The following PACS2 variants were observed in gnomAD, a reference collection of about 807,000 sequenced individuals.
PACS2 encodes the protein PACS1-like protein.
PACS2 carries 36 observed loss-of-function variants against 113.0 expected under a neutral mutation model. That is an observed-to-expected ratio of 0.32 (90% CI 0.24 to 0.42). The LOEUF (loss-of-function observed/expected upper bound fraction) is 0.42. Among genes scored for constraint, PACS2 ranks in the 10% least tolerant of loss-of-function variants. The pLI is 1.00. For missense variants in PACS2, 1,015 were observed against 1,239.5 expected (o/e 0.82, Z 2.72); for synonymous variants, 589 against 536.1 (o/e 1.10, Z -1.36).
At chr14:105,337,714 C>G (rs2059578516) in intron 1 of PACS2, among the ~76,000 whole-genome samples, 1 of 152,192 alleles carries the variant, frequency 6.6e-6, no homozygotes, top group Non-Finnish European at 1.5e-5. Context: ...CCACCTGAGC[C>G]CCCTGAGATG....
exon 1 of PACS2, chr14:105,300,803 C>CCGCCCGCAACGGCCG (rs1329982132): frequency 3.5e-6 from 1 of 288,986 alleles, no homozygotes; most frequent in Non-Finnish European, 5.5e-6. Context: ...CCGGGCCGCG[C>CCGCCCGCAACGGCCG]CGCCCGCAAC....
chr14:105,368,485 G>T lies in PACS2; in HGVS notation c.687G>T (p.Val229=). Reference sequence around the variant, plus strand: ...ACTTGGACGAGGACGACTTTGACGTGGGGAAGCCGAAGAAGCAGCGGAGAT... The same window carrying T: ...ACTTGGACGAGGACGACTTTGACGTTGGGAAGCCGAAGAAGCAGCGGAGAT... ...GQDLDEDDFD[V]GKPKKQRRSI... Residue 229 remains valine (V), a synonymous_variant, in exon 7 of 25, where the codon GTG becomes GTT. Transcript: ENST00000447393. 1 of 1,614,018 alleles carries T rather than the reference G, an allele frequency of 6.2e-7. No individual in the cohort carries two copies. Among genetic ancestry groups the T allele is most frequent in the Non-Finnish European group, 8.5e-7 (1 of 1,179,914 alleles).
chr14:105,348,676 G>C lies in PACS2; in HGVS notation c.207+96G>C, dbSNP rs2060035352. The C allele has an allele frequency of 4.3e-5, 40 of 927,308 alleles. No individual in the cohort carries two copies. Among genetic ancestry groups the C allele is most frequent in the Non-Finnish European group, 1.7e-5 (10 of 577,120 alleles). The allele number at this position is 927,308 out of a possible 1,614,324, so 57.4% of individuals were successfully genotyped here. ...AGGCGGTGCGCTACTGTGGGGCCTT[G>C]TGCCAAAACAGCGGGCAGCCCATGC... On this transcript the variant is annotated intron_variant, in intron 2 of 24. Transcript: ENST00000447393. This position sits in a 1 kb window ranked among gnomAD's most constrained non-coding sequence, Gnocchi z 6.4.
At chr14:105,327,769 G>A (rs950177000) in intron 1 of PACS2, among the ~76,000 whole-genome samples, 199 of 152,342 alleles carry the variant, frequency 1.3e-3, no homozygotes, top group African/African-American at 4.6e-3. Context: ...CTGCCAGGGA[G>A]CAGGACCATT....
Position 105,348,480 on chromosome 14 carries a change from C to A in PACS2, c.120-13C>A. On this transcript the variant is annotated splice_polypyrimidine_tract_variant and intron_variant, in intron 1 of 24. Coordinates refer to ENST00000447393, the MANE Select transcript of PACS2 (RefSeq NM_001100913.3). This position sits in a 1 kb window ranked among gnomAD's most constrained non-coding sequence, Gnocchi z 6.4. ...GGCGGAGCCCCGAGGCTGAGCTGTG[C>A]CTTGCCTCACAGGTTGTGCAGCCTG... is the stretch of plus-strand genomic sequence containing the variant. 1 of 1,603,878 alleles carries A rather than the reference C, an allele frequency of 6.2e-7. No homozygotes were observed. The highest frequency in any genetic ancestry group is 8.5e-7 in the Non-Finnish European group (1 of 1,172,868).
At chr14:105,347,761 C>T (rs1315113821) in intron 1 of PACS2, among the ~76,000 whole-genome samples, 2 of 152,210 alleles carry the variant, frequency 1.3e-5, no homozygotes, top group African/African-American at 4.8e-5. Context: ...CCCCACACAC[C>T]TTCAGGCATG....
At chr14:105,382,991 C>T (rs782504284) in intron 15 of PACS2, 78 bp downstream of exon 15, 23 of 862,650 alleles carry the variant, frequency 2.7e-5, no homozygotes, top group Middle Eastern at 2.2e-4. Flanking sequence ...CCCATTGCTC[C>T]GGGGCTAGGT....
chr14:105,395,414 A>G lies in PACS2; in HGVS notation c.*742A>G, dbSNP rs1308698829. ...TGCGTGTAGTCCCTGCCCCAAACTTAGCAAGCACAGGGGCCTCCACAGCCC... is the reference window on the plus strand; with the variant it reads ...TGCGTGTAGTCCCTGCCCCAAACTTGGCAAGCACAGGGGCCTCCACAGCCC... On this transcript the variant is annotated 3_prime_UTR_variant, in exon 25 of 25. Coordinates refer to ENST00000447393, the MANE Select transcript of PACS2 (RefSeq NM_001100913.3). 1 of 151,610 alleles carries G rather than the reference A, an allele frequency of 6.6e-6. No individual in the cohort carries two copies. Among genetic ancestry groups the G allele is most frequent in the Non-Finnish European group, 1.5e-5 (1 of 68,000 alleles). 9.4% of individuals were successfully genotyped at this position (151,610 alleles called of 1,614,324 possible). A position where few individuals can be genotyped will look rare whatever the true frequency, so the allele number is the denominator to read the frequency against.
chr14:105,391,119 C>T, intron 20 of PACS2, 88 bp from the exon 21 acceptor site: 2 of 974,424 alleles, frequency 2.1e-6, no homozygotes, highest in African/African-American at 1.6e-5. Context: ...GAGTGGTGGC[C>T]ACGGTGGGGA....
rs1014731785 is a variant in PACS2 at position 105,398,006 on chromosome 14, T to C, written c.*3334T>C. On this transcript the variant is annotated 3_prime_UTR_variant, in exon 25 of 25. Coordinates refer to ENST00000447393, the MANE Select transcript of PACS2 (RefSeq NM_001100913.3). ...ATTGTGCATTGTTTGGTTTCTAGGA[T>C]GTATGTGTTGCTAGTTTTTTTTAAT... 6.6e-6 allele frequency: 1 copy of C among 152,248 alleles called. No homozygotes were observed. Among genetic ancestry groups the C allele is most frequent in the African/African-American group, 2.4e-5 (1 of 41,456 alleles). 9.4% of individuals were successfully genotyped at this position (152,248 alleles called of 1,614,324 possible). A position where few individuals can be genotyped will look rare whatever the true frequency, so the allele number is the denominator to read the frequency against.
chr14:105,341,831 C>G (rs1194261119), intron 1 of PACS2, among the ~76,000 whole-genome samples: 1 of 152,190 alleles, frequency 6.6e-6, no homozygotes, highest in Non-Finnish European at 1.5e-5. Context: ...AGAGGGGCAG[C>G]CACGTTCCCC....
In PACS2 at chr14:105,354,939, T is replaced by C. The variant is rs1555405011; in HGVS notation, c.298-113T>C. On this transcript the variant is annotated intron_variant, in intron 3 of 24. Transcript: ENST00000447393. The surrounding 1 kb of genome is among the most constrained non-coding windows in gnomAD (Gnocchi z 4.2). ...GTCTGTGGGTGCCCTTCCGATCTCA[T>C]GGGCAGCAGGTTGGCCTGGTCGCAG... 4 of 1,062,328 alleles carry C rather than the reference T, an allele frequency of 3.8e-6. No homozygotes were observed. The highest frequency in any genetic ancestry group is 1.6e-5 in the African/African-American group (1 of 62,958). The allele number at this position is 1,062,328 out of a possible 1,614,324, so 65.8% of individuals were successfully genotyped here. A position where few individuals can be genotyped will look rare whatever the true frequency, so the allele number is the denominator to read the frequency against.
At chr14:105,387,315 C>T (rs1441333050) in intron 19 of PACS2, among the ~76,000 whole-genome samples, 9 of 152,298 alleles carry the variant, frequency 5.9e-5, no homozygotes, top group African/African-American at 1.2e-4. Flanking sequence ...CCTCCTCTGC[C>T]GAGAATGGCA....
At chr14:105,353,809 G>T (rs2060327235) in intron 3 of PACS2, among the ~76,000 whole-genome samples, 2 of 152,130 alleles carry the variant, frequency 1.3e-5, no homozygotes, top group African/African-American at 4.8e-5. Flanking sequence ...GGCCAGGCTG[G>T]TCTCGAACTC....
At chr14:105,368,300 C>G (rs897404365) in intron 6 of PACS2, among the ~76,000 whole-genome samples, 153 bp downstream of exon 6, 3 of 152,188 alleles carry the variant, frequency 2.0e-5, no homozygotes, top group Non-Finnish European at 4.4e-5. Flanking sequence ...GTCTCCCGAC[C>G]CCAGGGGCCC....
chr14:105,344,229 A>G (rs1276377303), intron 1 of PACS2, among the ~76,000 whole-genome samples: 2 of 151,170 alleles, frequency 1.3e-5, no homozygotes, highest in Non-Finnish European at 2.9e-5. Context: ...AACTTTTAAT[A>G]TATGGTTGAA....
chr14:105,335,219 C>T (rs192582418), intron 1 of PACS2, among the ~76,000 whole-genome samples: 53 of 152,392 alleles, frequency 3.5e-4, no homozygotes, highest in African/African-American at 1.2e-3. Context: ...TCACAGCCAC[C>T]TCGGAGGCTT....
chr14:105,368,462 T>C lies in PACS2; in HGVS notation c.664T>C (p.Leu222=), dbSNP rs138129795. The C allele has an allele frequency of 6.2e-7, 1 of 1,613,588 alleles. No individual in the cohort carries two copies. Among genetic ancestry groups the C allele is most frequent in the Non-Finnish European group, 8.5e-7 (1 of 1,179,658 alleles). Residue 222 remains leucine, a synonymous_variant, in exon 7 of 25, where the codon TTG becomes CTG. Transcript: ENST00000447393. ...ASDDAVQGQD[L]DEDDFDVGKP... Reference sequence around the variant, plus strand: ...GCCACTGCATATGTCTCTGCAGGACTTGGACGAGGACGACTTTGACGTGGG... The same window carrying C: ...GCCACTGCATATGTCTCTGCAGGACCTGGACGAGGACGACTTTGACGTGGG...
chr14:105,383,535 T>A (rs192131534), intron 16 of PACS2, 22 bp downstream of exon 16: 1 of 1,560,964 alleles, frequency 6.4e-7, no homozygotes, highest in South Asian at 1.2e-5. Flanking sequence ...GCCGTCCACC[T>A]GGGCCTGGGC....
Sources: allele counts gnomAD v4.1 joint callset (sites outside exome capture counted in the v4.1 genomes callset), GRCh38; gene constraint gnomAD v4.1.1; non-coding constraint Gnocchi (gnomAD v3.1); transcripts MANE v1.5; gene names NCBI Gene and HGNC (gene_info 2026-07-23, HGNC 2026-07-21).